Variants in MARCHF10 observed in about 807,000 individuals in gnomAD.
The protein encoded by MARCHF10 is probable E3 ubiquitin-protein ligase MARCHF10.
A neutral mutation model predicts 76.2 loss-of-function variants in MARCHF10; 64 were observed. The observed-to-expected ratio is 0.84, with a 90% confidence interval of 0.69 to 1.03. The LOEUF (loss-of-function observed/expected upper bound fraction) is 1.03. Ranked by LOEUF, MARCHF10 falls within the 50% of genes least tolerant of loss-of-function variation. The pLI is 0.00. For missense variants in MARCHF10, 875 were observed against 958.0 expected (o/e 0.91, Z 1.14); for synonymous variants, 340 against 357.5 (o/e 0.95, Z 0.55).
intron 8 of MARCHF10, among the ~76,000 whole-genome samples, chr17:62,719,553 C>G (rs2090382724): frequency 6.6e-6 from 1 of 152,006 alleles, no homozygotes; most frequent in South Asian, 2.1e-4. Context: ...TGGCCTCTTA[C>G]AGGATTTTTT....
intron 3 of MARCHF10, among the ~76,000 whole-genome samples, chr17:62,768,206 T>C (rs1352568271): frequency 6.6e-6 from 1 of 152,148 alleles, no homozygotes; most frequent in Non-Finnish European, 1.5e-5. Context: ...CAGCTAACAT[T>C]ACTCTAACAT....
chr17:62,806,159 C>G (rs548327051), intron 1 of MARCHF10, among the ~76,000 whole-genome samples: 95 of 152,142 alleles, frequency 6.2e-4, no homozygotes, highest in Non-Finnish European at 9.4e-4. Context: ...CAAACATTCT[C>G]TGTGTTTGCT....
Position 62,777,713 on chromosome 17 carries a change from C to CAAAAAA in MARCHF10, c.210+10761_210+10766dup, listed in dbSNP as rs386386400. ...TGGGTTACAAAGTGAGACTCCATCT[C>CAAAAAA]AAAAAAAAAAAAAAGAAAAAAAAAA... On this transcript the variant is annotated intron_variant, in intron 3 of 10. Coordinates refer to ENST00000311269, the MANE Select transcript of MARCHF10 (RefSeq NM_152598.4). Among the ~76,000 whole-genome samples the CAAAAAA allele has an allele frequency of 2.1e-3, 127 of 59,564 alleles. 5 individuals are homozygous for CAAAAAA. Among genetic ancestry groups the CAAAAAA allele is most frequent in the Non-Finnish European group, 2.4e-3 (77 of 31,962 alleles). The allele number at this position is 59,564 out of a possible 152,430, so 39.1% of individuals were successfully genotyped here.
intron 2 of MARCHF10, among the ~76,000 whole-genome samples, chr17:62,792,295 C>T (rs1271150213): frequency 6.6e-6 from 1 of 152,020 alleles, no homozygotes; most frequent in African/African-American, 2.4e-5. Flanking sequence ...CGACAATCCC[C>T]AGCTCTGCCA....
At chr17:62,732,078 T>G (rs1004942603) in intron 6 of MARCHF10, among the ~76,000 whole-genome samples, 1 of 152,004 alleles carries the variant, frequency 6.6e-6, no homozygotes, top group Non-Finnish European at 1.5e-5. Context: ...AAGGGATAAA[T>G]TAAATAAATG....
Position 62,763,564 on chromosome 17 carries a change from T to C in MARCHF10, c.211-3558A>G, listed in dbSNP as rs370191729. Among the ~76,000 whole-genome samples, 6 of 152,342 alleles carry C rather than the reference T, an allele frequency of 3.9e-5. 1 individual carries two copies. Among genetic ancestry groups the C allele is most frequent in the Admixed American group, 6.5e-5 (1 of 15,296 alleles). ...TAAATTGCATCTTTTCCTCTTGTAA[T>C]TTTGAAAAATAATTACAATTTTCAT... On this transcript the variant is annotated intron_variant, in intron 3 of 10. Coordinates refer to ENST00000311269, the MANE Select transcript of MARCHF10 (RefSeq NM_152598.4).
chr17:62,744,785 C>T (rs904603292), intron 4 of MARCHF10, among the ~76,000 whole-genome samples: 1 of 152,012 alleles, frequency 6.6e-6, no homozygotes, highest in South Asian at 2.1e-4. Context: ...ATGCCTCCTT[C>T]ATAGGATCAC....
At chr17:62,794,982 T>C (rs2148176655) in intron 2 of MARCHF10, 1 of 984,390 alleles carries the variant, frequency 1.0e-6, no homozygotes, top group Admixed American at 6.2e-5. Context: ...GCTAGTTTTT[T>C]TTCCTGTTTT....
chr17:62,769,904 T>C (rs2148005348), intron 3 of MARCHF10, among the ~76,000 whole-genome samples: 1 of 152,296 alleles, frequency 6.6e-6, no homozygotes, highest in Non-Finnish European at 1.5e-5. Context: ...TTTTAAAAAT[T>C]TTTTTCAATG....
chr17:62,754,825 T>C (rs2091993597), intron 4 of MARCHF10, among the ~76,000 whole-genome samples: 1 of 152,170 alleles, frequency 6.6e-6, no homozygotes, highest in Admixed American at 6.5e-5. Flanking sequence ...TGGACACCAG[T>C]TGGACTTGCC....
intron 9 of MARCHF10, among the ~76,000 whole-genome samples, chr17:62,708,406 C>T (rs540778200): frequency 1.6e-4 from 25 of 152,178 alleles, no homozygotes; most frequent in Non-Finnish European, 2.4e-4. Flanking sequence ...CTGCCACGCC[C>T]GGCTAATTTT....
At chr17:62,720,838 G>A (rs1384296572) in intron 8 of MARCHF10, among the ~76,000 whole-genome samples, 1 of 149,668 alleles carries the variant, frequency 6.7e-6, no homozygotes. Flanking sequence ...CTGCTCAGGA[G>A]TCTCTGCTCC....
At chr17:62,767,600 A>G (rs1043652672) in intron 3 of MARCHF10, among the ~76,000 whole-genome samples, 3 of 151,822 alleles carry the variant, frequency 2.0e-5, no homozygotes, top group African/African-American at 7.3e-5. Flanking sequence ...ACAGGCATGC[A>G]CCACCACGTC....
At chr17:62,701,861 G>A in intron 10 of MARCHF10, 103 bp from the exon 11 acceptor site, 1 of 1,485,148 alleles carries the variant, frequency 6.7e-7, no homozygotes. Context: ...CCCCATCCCT[G>A]AGGCCCAGCC....
intron 1 of MARCHF10, chr17:62,805,092 T>C (rs1350206889): frequency 6.6e-6 from 1 of 152,182 alleles, no homozygotes; most frequent in East Asian, 1.9e-4. Flanking sequence ...GGGGCTATTT[T>C]CTCTGGAGTA....
intron 4 of MARCHF10, among the ~76,000 whole-genome samples, chr17:62,751,638 T>C (rs890384558): frequency 2.0e-5 from 3 of 152,212 alleles, no homozygotes; most frequent in Non-Finnish European, 4.4e-5. Context: ...ACCTCCCTGG[T>C]GATTTTTATT....
chr17:62,775,761 T>A (rs540260568), intron 3 of MARCHF10, among the ~76,000 whole-genome samples: 2 of 152,166 alleles, frequency 1.3e-5, no homozygotes, highest in Non-Finnish European at 2.9e-5. Flanking sequence ...AATAATTTTA[T>A]CTCACAATTT....
At chr17:62,781,314 T>C (rs1301210852) in intron 3 of MARCHF10, among the ~76,000 whole-genome samples, 1 of 152,196 alleles carries the variant, frequency 6.6e-6, no homozygotes, top group Non-Finnish European at 1.5e-5. Flanking sequence ...AGGCAGTTTA[T>C]AATGTACTGT....
Position 62,736,334 on chromosome 17 carries a change from G to C in MARCHF10, c.1534C>G (p.Pro512Ala), listed in dbSNP as rs760666263. Residue 512 changes from proline to alanine, a missense_variant, in exon 6 of 11, where the codon CCA becomes GCA. Pro to Ala is a conservative substitution (Grantham distance 27). Transcript: ENST00000311269. The part of the protein sequence containing the change: ...EGNSGFHVCQ[P>A]LSPIRNRTPF... ...GTCCTATTTCTAATGGGAGACAGTG[G>C]TTGGCAAACATGAAACCCTGAGTTT... The C allele has an allele frequency of 6.2e-7, 1 of 1,614,214 alleles. No homozygotes were observed. Among genetic ancestry groups the C allele is most frequent in the Non-Finnish European group, 8.5e-7 (1 of 1,180,040 alleles).
Sources: gnomAD v4.1 joint callset for allele counts (sites outside exome capture counted in the v4.1 genomes callset) on GRCh38, gnomAD v4.1.1 for gene constraint, MANE v1.5 for transcripts, NCBI Gene and HGNC (gene_info 2026-07-23, HGNC 2026-07-21) for gene names.